The following PDZD2 variants were observed in gnomAD, a reference collection of about 807,000 sequenced individuals.
PDZD2 encodes PDZ domain containing 2.
PDZD2 carries 90 observed loss-of-function variants against 220.7 expected under a neutral mutation model. The observed-to-expected ratio is 0.41, with a 90% CI of 0.34 to 0.49. The LOEUF (loss-of-function observed/expected upper bound fraction) is 0.49, where lower values mean the gene tolerates loss of function less well. Among genes scored for constraint, PDZD2 ranks in the 20% least tolerant of loss-of-function variants. The probability of loss-of-function intolerance (pLI) is 0.28; values close to 1 mark genes in which losing one functional copy is unlikely to be tolerated. For synonymous variants in PDZD2, 1,375 were observed against 1,450.5 expected (o/e 0.95, Z 1.18); for missense variants, 3,174 against 3,608.5 (o/e 0.88, Z 3.08).
intron 21 of PDZD2, among the ~76,000 whole-genome samples, chr5:32,095,901 C>T (rs1262144180): frequency 5.0e-4 from 74 of 148,242 alleles, no homozygotes; most frequent in African/African-American, 1.6e-3. Context: ...CCACCATGCC[C>T]GGCTTTTTTT....
rs1751018469 is a variant in PDZD2, at chr5:31,989,424, T to TTTTTTTTTTTTTTTTATTTATTTATTTA, written c.978+5783_978+5784insATTTATTTATTTATTTTTTTTTTTTTTT. On this transcript the variant is annotated intron_variant, in intron 3 of 24. Transcript: ENST00000438447. The stretch of plus-strand genomic sequence containing the variant: ...GGTATATACCACATTTTCTTTTCTT[T>TTTTTTTTTTTTTTTTATTTATTTATTTA]TTTTTTTTTTTTTTTTGAGACGAAG... Among the ~76,000 whole-genome samples, 10 of 136,746 alleles carry TTTTTTTTTTTTTTTTATTTATTTATTTA rather than the reference T, an allele frequency of 7.3e-5. No individual in the cohort carries two copies. In the East Asian group the frequency reaches 1.0e-3, roughly 14 times the overall value. 89.7% of individuals were successfully genotyped at this position (136,746 alleles called of 152,430 possible). A position where few individuals can be genotyped will look rare whatever the true frequency, so the allele number is the denominator to read the frequency against.
chr5:31,773,477 A>G (rs1318572035), intron 1 of PDZD2, among the ~76,000 whole-genome samples: 1 of 137,180 alleles, frequency 7.3e-6, no homozygotes, highest in East Asian at 2.8e-4. Flanking sequence ...TGTCTCTACT[A>G]AAAATACAAA....
chr5:31,680,990 C>T (rs1271969777), intron 1 of PDZD2, among the ~76,000 whole-genome samples: 2 of 152,100 alleles, frequency 1.3e-5, no homozygotes, highest in African/African-American at 2.4e-5. Flanking sequence ...TGAATTCCTT[C>T]CCAAGATCCC....
At chr5:31,825,899 C>A (rs1022387219) in intron 2 of PDZD2, among the ~76,000 whole-genome samples, 1 of 151,742 alleles carries the variant, frequency 6.6e-6, no homozygotes, top group East Asian at 1.9e-4. Flanking sequence ...TTACTTGTTT[C>A]CACAGGCATG....
At chr5:31,869,685 T>G (rs73062399) in intron 2 of PDZD2, among the ~76,000 whole-genome samples, 7,312 of 152,272 alleles carry the variant, frequency 0.048, 608 homozygotes, top group African/African-American at 0.17. Flanking sequence ...TGACGGGGAC[T>G]CCCTTGAAGA....
At position 32,009,353 on chromosome 5, in the gene PDZD2, A is replaced by T. The variant is rs976303647; in HGVS notation, c.1255-977A>T. On this transcript the variant is annotated intron_variant, in intron 5 of 24. Coordinates refer to ENST00000438447, the MANE Select transcript of PDZD2 (RefSeq NM_178140.4). ...GCGAGACTCTTGTCTCAAAAAAATA[A>T]AAATTAAAATTAAAAAATCAATAAA... Among the ~76,000 whole-genome samples the T allele has an allele frequency of 3.3e-5, 5 of 152,084 alleles. 1 individual carries two copies. The South Asian group carries it at 1.0e-3, about 32-fold the overall frequency.
intron 2 of PDZD2, among the ~76,000 whole-genome samples, chr5:31,889,097 A>T (rs956086445): frequency 6.6e-6 from 1 of 152,136 alleles, no homozygotes; most frequent in Admixed American, 6.6e-5. Context: ...TTGTACAGAA[A>T]ATCCCAGAGC....
intron 2 of PDZD2, among the ~76,000 whole-genome samples, chr5:31,813,622 G>A (rs1755262054): frequency 6.6e-6 from 1 of 152,054 alleles, no homozygotes; most frequent in Non-Finnish European, 1.5e-5. Context: ...ATTGCTTAAG[G>A]TAAAAAGCTA....
chr5:31,687,474 C>T lies in PDZD2; in HGVS notation c.-361+48037C>T, dbSNP rs187485182. Among the ~76,000 whole-genome samples the T allele has an allele frequency of 7.2e-5, 11 of 152,200 alleles. No individual in the cohort carries two copies. In the East Asian group the frequency reaches 1.9e-3, roughly 27 times the overall value. ...ATCCATATTGATGTTATTCAGTTTA[C>T]GTCGATCTAGGCTTTTTCTAGCATG... is the stretch of plus-strand genomic sequence containing the variant. On this transcript the variant is annotated intron_variant, in intron 1 of 24. Coordinates refer to ENST00000438447, the MANE Select transcript of PDZD2 (RefSeq NM_178140.4).
At chr5:32,007,186 G>A (rs1752896849) in intron 5 of PDZD2, among the ~76,000 whole-genome samples, 1 of 151,778 alleles carries the variant, frequency 6.6e-6, no homozygotes, top group Non-Finnish European at 1.5e-5. Flanking sequence ...CCAAAGTGCT[G>A]GGATTACAGG....
intron 2 of PDZD2, among the ~76,000 whole-genome samples, chr5:31,955,476 T>C (rs1432163444): frequency 1.3e-5 from 2 of 151,910 alleles, no homozygotes; most frequent in Admixed American, 6.6e-5. Flanking sequence ...AATTTTTGTA[T>C]TTTTAGTAGA....
intron 6 of PDZD2, among the ~76,000 whole-genome samples, chr5:32,025,010 T>C (rs2112159047): frequency 6.6e-6 from 1 of 152,344 alleles, no homozygotes; most frequent in Admixed American, 6.5e-5. Context: ...TGGAACAGCC[T>C]CTCTTTTTGC....
At chr5:31,676,012 A>C (rs971742342) in intron 1 of PDZD2, among the ~76,000 whole-genome samples, 2 of 152,118 alleles carry the variant, frequency 1.3e-5, no homozygotes, top group African/African-American at 4.8e-5. Flanking sequence ...TCCTTGAAGA[A>C]CTTTGAATTC....
rs867417154 is a variant in PDZD2 at position 31,761,867 on chromosome 5, A to G, written c.-360-37022A>G. ...CAGAGCAAAACTACATCTCAAAAAA[A>G]AAAAAAAAGAGGGTTAATTGGCTCA... On this transcript the variant is annotated intron_variant, in intron 1 of 24. Coordinates refer to ENST00000438447, the MANE Select transcript of PDZD2 (RefSeq NM_178140.4). Among the ~76,000 whole-genome samples, 968 of 151,862 alleles carry G rather than the reference A, an allele frequency of 6.4e-3. 8 individuals are homozygous for G. The highest frequency in any genetic ancestry group is 0.023 in the African/African-American group (937 of 41,436).
At chr5:31,737,397 C>G (rs1047423546) in intron 1 of PDZD2, among the ~76,000 whole-genome samples, 7 of 152,012 alleles carry the variant, frequency 4.6e-5, no homozygotes, top group African/African-American at 1.2e-4. Context: ...TGGTCTTGAT[C>G]TCCTGACCTC....
chr5:32,053,682 T>A, intron 9 of PDZD2, 87 bp from the exon 10 acceptor site: 1 of 794,970 alleles, frequency 1.3e-6, no homozygotes, highest in East Asian at 2.4e-5. Context: ...ATGGGACAGA[T>A]GCCTTCAGTT....
At chr5:31,983,059 G>C (rs1318789751) in intron 2 of PDZD2, 96 bp from the exon 3 acceptor site, 2 of 1,305,938 alleles carry the variant, frequency 1.5e-6, no homozygotes, top group Non-Finnish European at 2.1e-6. Context: ...TCGGCCAACT[G>C]GTCGTCACTT....
chr5:31,798,000 G>A lies in PDZD2; in HGVS notation c.-360-889G>A, dbSNP rs547050667. Reference sequence around the variant, plus strand: ...GGTGAAATTTTTCTTTGGTGGAGAAGGCGAGTTGGCAGTAGAATTGAATTA... The same window carrying A: ...GGTGAAATTTTTCTTTGGTGGAGAAAGCGAGTTGGCAGTAGAATTGAATTA... On this transcript the variant is annotated intron_variant, in intron 1 of 24. Transcript: ENST00000438447. 2.0e-5 allele frequency among the ~76,000 whole-genome samples: 3 copies of A among 152,254 alleles called. No homozygotes were observed. In the South Asian group the frequency reaches 6.2e-4, roughly 32 times the overall value.
chr5:32,041,992 G>T (rs1032219275), intron 7 of PDZD2, among the ~76,000 whole-genome samples: 20 of 148,396 alleles, frequency 1.3e-4, no homozygotes, highest in Non-Finnish European at 2.4e-4. Flanking sequence ...GAGGTGGGCG[G>T]CTCACGAGGT....
Sources: gnomAD v4.1 joint callset for allele counts (sites outside exome capture counted in the v4.1 genomes callset) on GRCh38, gnomAD v4.1.1 for gene constraint, MANE v1.5 for transcripts, NCBI Gene and HGNC (gene_info 2026-07-23, HGNC 2026-07-21) for gene names.